The following CELF2 variants were observed in gnomAD, a reference collection of about 807,000 sequenced individuals.
CELF2 encodes the protein CUGBP Elav-like family member 2.
Under a neutral mutation model 62.6 loss-of-function variants are expected in CELF2, and 8 were observed. The observed-to-expected ratio is 0.13, with a 90% CI of 0.07 to 0.23. The LOEUF is 0.23. Ranked by LOEUF, CELF2 falls within the 10% of genes least tolerant of loss-of-function variation. The pLI, the probability that CELF2 is intolerant of heterozygous loss-of-function variation, is 1.00. For missense variants in CELF2, 333 were observed against 671.0 expected (o/e 0.50, Z 5.56); for synonymous variants, 258 against 250.0 (o/e 1.03, Z -0.30).
intron 8 of CELF2, among the ~76,000 whole-genome samples, chr10:11,283,554 G>A (rs1249256920): frequency 6.6e-6 from 1 of 151,834 alleles, no homozygotes; most frequent in Non-Finnish European, 1.5e-5. Context: ...ATGGATAGAT[G>A]GGTGGATGAT....
At chr10:11,073,814 T>C (rs1315413453) in intron 1 of CELF2, among the ~76,000 whole-genome samples, 1 of 152,222 alleles carries the variant, frequency 6.6e-6, no homozygotes, top group Non-Finnish European at 1.5e-5. Context: ...GTCCTTCGTG[T>C]TTTACCTAGT....
chr10:10,973,861 C>T (rs774993818), intron 2 of CELF2, among the ~76,000 whole-genome samples: 5 of 152,206 alleles, frequency 3.3e-5, no homozygotes, highest in African/African-American at 1.2e-4. Flanking sequence ...AGCCACCCTG[C>T]CTTGCCAATG....
Position 10,931,875 on chromosome 10 carries a change from G to A in CELF2, c.89+11876G>A, listed in dbSNP as rs1263965306. Reference sequence around the variant, plus strand: ...GGGAGGCCTCACAACCATGGCAGAAGGTGAATGAGGATCAAAGTCATGTCT... The same window carrying A: ...GGGAGGCCTCACAACCATGGCAGAAAGTGAATGAGGATCAAAGTCATGTCT... On this transcript the variant is annotated intron_variant, in intron 2 of 13. Transcript: ENST00000636488. This position sits in a 1 kb window ranked among gnomAD's most constrained non-coding sequence, Gnocchi z 6.1. 1.3e-5 allele frequency among the ~76,000 whole-genome samples: 2 copies of A among 152,178 alleles called. No individual in the cohort carries two copies. The highest frequency in any genetic ancestry group is 2.1e-4 in the South Asian group (1 of 4,834).
rs1279521277 is a variant in CELF2, at chr10:11,244,081, A to G, written c.355-5072A>G. ...AGCATGAGATCCTGCCTCCAGCCCC[A>G]TCTAGCTCTGGCAGCAGGGAGGGCC... is the stretch of plus-strand genomic sequence containing the variant. On this transcript the variant is annotated intron_variant, in intron 3 of 12. Transcript: ENST00000633077. This position sits in a 1 kb window ranked among gnomAD's most constrained non-coding sequence, Gnocchi z 4.2. Among the ~76,000 whole-genome samples the G allele has an allele frequency of 2.0e-5, 3 of 152,186 alleles. No individual in the cohort carries two copies. Among genetic ancestry groups the G allele is most frequent in the Non-Finnish European group, 4.4e-5 (3 of 68,030 alleles).
chr10:10,531,454 A>C, the CELF2 span, among the ~76,000 whole-genome samples: 5 of 152,206 alleles, frequency 3.3e-5, no homozygotes, highest in African/African-American at 9.7e-5. Context: ...TCATAGGACA[A>C]ACAGTTCTAT....
Position 11,165,022 on chromosome 10 carries a change from A to T in CELF2, c.75-464A>T. On this transcript the variant is annotated intron_variant, in intron 1 of 12. Coordinates refer to ENST00000633077, the MANE Select transcript of CELF2 (RefSeq NM_001326342.2). This position sits in a 1 kb window ranked among gnomAD's most constrained non-coding sequence, Gnocchi z 7.4. ...ACCACCTCTCTCCTCTCTTCCAAAAACCTCCCAAAAAGGGCGGTGGGGCGG... is the reference window on the plus strand; with the variant it reads ...ACCACCTCTCTCCTCTCTTCCAAAATCCTCCCAAAAAGGGCGGTGGGGCGG... 1.3e-6 allele frequency: 1 copy of T among 748,908 alleles called. No homozygotes were observed. The highest frequency in any genetic ancestry group is 1.6e-6 in the Non-Finnish European group (1 of 629,320). 46.4% of individuals were successfully genotyped at this position (748,908 alleles called of 1,614,324 possible). A position where few individuals can be genotyped will look rare whatever the true frequency, so the allele number is the denominator to read the frequency against.
the CELF2 span, among the ~76,000 whole-genome samples, chr10:10,562,854 ATCTT>A: frequency 7.4e-6 from 1 of 134,440 alleles, no homozygotes; most frequent in African/African-American, 3.7e-5. Context: ...GCCAAGGACT[ATCTT>A]TCTCAGGCTT....
At chr10:10,781,079 C>CA in the CELF2 span, among the ~76,000 whole-genome samples, 32 of 151,484 alleles carry the variant, frequency 2.1e-4, no homozygotes, top group South Asian at 5.4e-3. Context: ...ACCCACTTAC[C>CA]AAAAAAAAGG....
At position 11,095,891 on chromosome 10, in the gene CELF2, A is replaced by AT. The variant is rs34553714; in HGVS notation, c.75-69589dup. 2.6e-5 allele frequency among the ~76,000 whole-genome samples: 4 copies of AT among 152,204 alleles called. No individual in the cohort carries two copies. In the South Asian group the frequency reaches 6.2e-4, roughly 24 times the overall value. On this transcript the variant is annotated intron_variant, in intron 1 of 12. Transcript: ENST00000633077. The stretch of plus-strand genomic sequence containing the variant: ...AAAAAGGATGCATTTATTTTAGCTG[A>AT]TTTTTTAAGGAAAACTATATTTAAA...
chr10:10,560,953 G>T, the CELF2 span, among the ~76,000 whole-genome samples: 1 of 151,762 alleles, frequency 6.6e-6, no homozygotes, highest in Non-Finnish European at 1.5e-5. Flanking sequence ...ACTGATATGT[G>T]GGAGCTAAGC....
chr10:11,165,147 T>G lies in CELF2; in HGVS notation c.75-339T>G. Reference sequence around the variant, plus strand: ...TAGGGCTGATAAGGCGCTGATGCGTTGATGGCAGCCTTGCAGAGCTAGACC... The same window carrying G: ...TAGGGCTGATAAGGCGCTGATGCGTGGATGGCAGCCTTGCAGAGCTAGACC... On this transcript the variant is annotated intron_variant, in intron 1 of 12. Transcript: ENST00000633077. This position sits in a 1 kb window ranked among gnomAD's most constrained non-coding sequence, Gnocchi z 7.4. 1 of 1,083,010 alleles carries G rather than the reference T, an allele frequency of 9.2e-7. No individual in the cohort carries two copies. Among genetic ancestry groups the G allele is most frequent in the Non-Finnish European group, 1.1e-6 (1 of 889,710 alleles). 67.1% of individuals were successfully genotyped at this position (1,083,010 alleles called of 1,614,324 possible).
chr10:10,780,375 T>G, the CELF2 span, among the ~76,000 whole-genome samples: 1 of 152,220 alleles, frequency 6.6e-6, no homozygotes, highest in Non-Finnish European at 1.5e-5. Context: ...TTCTTGGTGT[T>G]GCCAGATTAG....
the CELF2 span, among the ~76,000 whole-genome samples, chr10:10,521,029 T>A: frequency 6.6e-6 from 1 of 152,250 alleles, no homozygotes; most frequent in Non-Finnish European, 1.5e-5. Context: ...CTGTTAAAAT[T>A]TCTGTTGAAG....
intron 1 of CELF2, among the ~76,000 whole-genome samples, chr10:11,025,895 A>G (rs939994431): frequency 2.0e-5 from 3 of 151,948 alleles, no homozygotes; most frequent in East Asian, 3.9e-4. Context: ...GGTGAAGACA[A>G]CCTCACTCTG....
intron 1 of CELF2, chr10:11,096,493 C>A (rs923666255): frequency 6.6e-6 from 1 of 152,146 alleles, no homozygotes; most frequent in African/African-American, 2.4e-5. Context: ...TCACTAAAAA[C>A]AAATTAAGTA....
At chr10:10,880,617 C>T (rs1291259915) in intron 1 of CELF2, among the ~76,000 whole-genome samples, 1 of 152,050 alleles carries the variant, frequency 6.6e-6, no homozygotes, top group African/African-American at 2.4e-5. Flanking sequence ...TACAGGAAGG[C>T]ATAATTTCTG....
chr10:11,172,383 A>T (rs1486973566), intron 2 of CELF2, among the ~76,000 whole-genome samples: 1 of 152,254 alleles, frequency 6.6e-6, no homozygotes, highest in Non-Finnish European at 1.5e-5. Context: ...TGCCTACATC[A>T]TACAGCTATA....
intron 2 of CELF2, chr10:10,920,115 T>G: frequency 1.5e-6 from 1 of 664,602 alleles, no homozygotes; most frequent in Non-Finnish European, 2.1e-6. Flanking sequence ...TGTCAGATTT[T>G]GATACCTCAT....
In CELF2 at chr10:11,247,311, C is replaced by G. The variant is rs766627877; in HGVS notation, c.355-1842C>G. ...CTTCCCGTGGTCCTCCATGCTCACA[C>G]TGGGAGCTCCCTGTGAGAGGGAACT... On this transcript the variant is annotated intron_variant, in intron 3 of 12. Transcript: ENST00000633077. This position sits in a 1 kb window ranked among gnomAD's most constrained non-coding sequence, Gnocchi z 5.4. 1.3e-5 allele frequency among the ~76,000 whole-genome samples: 2 copies of G among 152,260 alleles called. No individual in the cohort carries two copies. The highest frequency in any genetic ancestry group is 2.9e-5 in the Non-Finnish European group (2 of 68,042).
Sources: gnomAD v4.1 joint callset for allele counts (sites outside exome capture counted in the v4.1 genomes callset) on GRCh38, gnomAD v4.1.1 for gene constraint, Gnocchi (gnomAD v3.1) non-coding constraint, MANE v1.5 for transcripts, NCBI Gene and HGNC (gene_info 2026-07-23, HGNC 2026-07-21) for gene names.